CLEC16A: variants seen among roughly 807,000 people sequenced by gnomAD.
CLEC16A encodes the protein protein CLEC16A.
CLEC16A carries 51 observed loss-of-function variants against 109.5 expected under a neutral mutation model. That is an observed-to-expected ratio of 0.47 (90% CI 0.37 to 0.59). The LOEUF (loss-of-function observed/expected upper bound fraction) is 0.59, where lower values mean the gene tolerates loss of function less well. Ranked by LOEUF, CLEC16A falls within the 20% of genes least tolerant of loss-of-function variation. The pLI is 0.00. For missense variants in CLEC16A, 1,339 were observed against 1,394.0 expected (o/e 0.96, Z 0.63); for synonymous variants, 673 against 564.2 (o/e 1.19, Z -2.73).
At chr16:11,036,901 A>C (rs180938285) in intron 13 of CLEC16A, among the ~76,000 whole-genome samples, 9 of 152,282 alleles carry the variant, frequency 5.9e-5, no homozygotes, top group African/African-American at 1.9e-4. Flanking sequence ...GTCATGCTCA[A>C]ACTAAAAATT....
At chr16:10,952,698 T>C (rs1306067044) in intron 1 of CLEC16A, among the ~76,000 whole-genome samples, 1 of 152,184 alleles carries the variant, frequency 6.6e-6, no homozygotes, top group Non-Finnish European at 1.5e-5. Context: ...TGCCAGGGCA[T>C]TGTGGGACAG....
In CLEC16A at chr16:11,051,182, A is replaced by G. The variant is rs1034016887; in HGVS notation, c.1867-331A>G. 2.0e-5 allele frequency among the ~76,000 whole-genome samples: 3 copies of G among 152,226 alleles called. No homozygotes were observed. The East Asian group carries it at 5.8e-4, about 29-fold the overall frequency. On this transcript the variant is annotated intron_variant, in intron 17 of 23. Coordinates refer to ENST00000409790, the MANE Select transcript of CLEC16A (RefSeq NM_015226.3). ...GCTTGCACCCACAGGGATAAAGCAT[A>G]CCTGGCCTCCTGCTGAGAATCCCTG...
chr16:11,156,715 G>A lies in CLEC16A; in HGVS notation c.2642-9673G>A, dbSNP rs930328689. On this transcript the variant is annotated intron_variant, in intron 22 of 23. Transcript: ENST00000409790. Reference sequence around the variant, plus strand: ...CAGTGGAAGAGGGCAGGGGCTGGGCGAGGCAGGGACTGGGTCCTTGGGAAT... The same window carrying A: ...CAGTGGAAGAGGGCAGGGGCTGGGCAAGGCAGGGACTGGGTCCTTGGGAAT... 1.7e-5 allele frequency: 22 copies of A among 1,266,186 alleles called. No individual in the cohort carries two copies. In the East Asian group the frequency reaches 3.9e-4, roughly 23 times the overall value. 78.4% of individuals were successfully genotyped at this position (1,266,186 alleles called of 1,614,324 possible).
At chr16:10,994,680 G>C (rs2044227911) in intron 10 of CLEC16A, among the ~76,000 whole-genome samples, 1 of 152,024 alleles carries the variant, frequency 6.6e-6, no homozygotes, top group African/African-American at 2.4e-5. Context: ...CTCCAGCCTG[G>C]GTGACAAAGT....
At chr16:11,058,053 G>A (rs1056844844) in intron 18 of CLEC16A, among the ~76,000 whole-genome samples, 1 of 152,198 alleles carries the variant, frequency 6.6e-6, no homozygotes, top group Non-Finnish European at 1.5e-5. Flanking sequence ...TTTCTTTTGT[G>A]AATTTACAGA....
At chr16:10,955,762 C>T (rs1309398432) in intron 1 of CLEC16A, among the ~76,000 whole-genome samples, 1 of 152,236 alleles carries the variant, frequency 6.6e-6, no homozygotes, top group Non-Finnish European at 1.5e-5. Context: ...ATCTGCCCTT[C>T]TCCCATATTG....
At chr16:11,129,180 G>C (rs181492104) in intron 22 of CLEC16A, among the ~76,000 whole-genome samples, 132 of 152,220 alleles carry the variant, frequency 8.7e-4, no homozygotes, top group African/African-American at 3.1e-3. Flanking sequence ...TGCTTAAAAA[G>C]TATTACAGAA....
chr16:11,110,829 A>G (rs942000607), intron 19 of CLEC16A, among the ~76,000 whole-genome samples: 2 of 152,236 alleles, frequency 1.3e-5, no homozygotes, highest in Non-Finnish European at 2.9e-5. Context: ...ACACAGTTTA[A>G]TAACTGGCAG....
In CLEC16A at chr16:11,020,430, G is replaced by A. The variant is rs76668113; in HGVS notation, c.1436+105G>A. ...CAGAGCCTCTTCTGTCCCTCAGCCC[G>A]ACCATGCTGCCTCCCTTTCTTTCCC... is the stretch of plus-strand genomic sequence containing the variant. On this transcript the variant is annotated intron_variant, in intron 12 of 23. Coordinates refer to ENST00000409790, the MANE Select transcript of CLEC16A (RefSeq NM_015226.3). The A allele has an allele frequency of 1.4e-5, 19 of 1,342,220 alleles. No homozygotes were observed. The East Asian group carries it at 1.6e-4, about 11-fold the overall frequency. 83.1% of individuals were successfully genotyped at this position (1,342,220 alleles called of 1,614,324 possible).
At chr16:11,171,894 A>G (rs569998375) in intron 23 of CLEC16A, among the ~76,000 whole-genome samples, 1 of 151,970 alleles carries the variant, frequency 6.6e-6, no homozygotes, top group African/African-American at 2.4e-5. Flanking sequence ...ACACATACAA[A>G]TGTGCATACA....
At chr16:11,122,611 C>G (rs570989732) in intron 20 of CLEC16A, among the ~76,000 whole-genome samples, 8 of 152,308 alleles carry the variant, frequency 5.3e-5, no homozygotes, top group Admixed American at 5.2e-4. Context: ...TCCAAAGAGC[C>G]TGTGCCAAAT....
Position 11,174,846 on chromosome 16 carries a change from C to T in CLEC16A, c.2807-3489C>T, listed in dbSNP as rs2068683141. The stretch of plus-strand genomic sequence containing the variant: ...TGGATGGATGTGGCCCCACCATCTC[C>T]CTTTCTGAGTGGCACCCACACAGCA... On this transcript the variant is annotated intron_variant, in intron 23 of 23. Transcript: ENST00000409790. This position sits in a 1 kb window ranked among gnomAD's most constrained non-coding sequence, Gnocchi z 4.7. Among the ~76,000 whole-genome samples, 1 of 152,240 alleles carries T rather than the reference C, an allele frequency of 6.6e-6. No homozygotes were observed. The highest frequency in any genetic ancestry group is 1.5e-5 in the Non-Finnish European group (1 of 68,046).
intron 10 of CLEC16A, among the ~76,000 whole-genome samples, chr16:11,000,748 A>T (rs917121496): frequency 6.6e-6 from 1 of 152,202 alleles, no homozygotes; most frequent in Non-Finnish European, 1.5e-5. Context: ...CAGTGGGCAA[A>T]TAAAAATTAA....
chr16:11,026,754 C>A (rs2046428937), intron 13 of CLEC16A, among the ~76,000 whole-genome samples: 1 of 151,086 alleles, frequency 6.6e-6, no homozygotes, highest in Non-Finnish European at 1.5e-5. Context: ...TTATTGTCCA[C>A]AGCCAAGCTG....
chr16:10,963,665 G>A (rs1028172435), intron 3 of CLEC16A, among the ~76,000 whole-genome samples: 2 of 152,136 alleles, frequency 1.3e-5, no homozygotes, highest in African/African-American at 2.4e-5. Flanking sequence ...CCTCAGTTTC[G>A]TCATCCGTAA....
chr16:10,980,654 C>T (rs973494901), intron 9 of CLEC16A, among the ~76,000 whole-genome samples: 3 of 152,048 alleles, frequency 2.0e-5, no homozygotes, highest in Non-Finnish European at 4.4e-5. Context: ...GGACCAGTAG[C>T]CCATGCACCC....
At chr16:10,999,532 C>G (rs938846832) in intron 10 of CLEC16A, among the ~76,000 whole-genome samples, 5 of 152,160 alleles carry the variant, frequency 3.3e-5, no homozygotes, top group African/African-American at 4.8e-5. Context: ...CCCCAGTCTT[C>G]TTAGATTCCC....
chr16:11,054,307 G>A (rs1017827364), intron 18 of CLEC16A, among the ~76,000 whole-genome samples: 20 of 152,242 alleles, frequency 1.3e-4, no homozygotes, highest in African/African-American at 4.8e-4. Context: ...TCTACTCTGA[G>A]CTGCTGTCTC....
At chr16:11,138,126 T>G (rs1008510481) in intron 22 of CLEC16A, among the ~76,000 whole-genome samples, 1 of 152,064 alleles carries the variant, frequency 6.6e-6, no homozygotes, top group Non-Finnish European at 1.5e-5. Flanking sequence ...GGAAGTGACA[T>G]GACAAACATG....
Sources: allele counts gnomAD v4.1 joint callset (sites outside exome capture counted in the v4.1 genomes callset), GRCh38; gene constraint gnomAD v4.1.1; non-coding constraint Gnocchi (gnomAD v3.1); transcripts MANE v1.5; gene names NCBI Gene and HGNC (gene_info 2026-07-23, HGNC 2026-07-21).